The following TNRC18 variants were observed in gnomAD, a reference collection of about 807,000 sequenced individuals.
TNRC18 encodes trinucleotide repeat containing 18.
Under a neutral mutation model 226.7 loss-of-function variants are expected in TNRC18, and 69 were observed. That is an observed-to-expected ratio of 0.30 (90% CI 0.25 to 0.37). The LOEUF (loss-of-function observed/expected upper bound fraction) is 0.37. TNRC18 is among the 10% of genes least tolerant of loss of function. The pLI is 1.00. For synonymous variants in TNRC18, 2,449 were observed against 1,927.6 expected, an observed-to-expected ratio of 1.27 and a Z score of -7.09; for missense variants, 4,754 against 4,256.6, an observed-to-expected ratio of 1.12 and a Z score of -3.25.
intron 17 of TNRC18, among the ~76,000 whole-genome samples, chr7:5,348,513 G>A (rs545304714): frequency 2.7e-4 from 41 of 152,326 alleles, no homozygotes; most frequent in African/African-American, 8.9e-4. Flanking sequence ...GTGGCCAAAA[G>A]TGGTGGCCCC....
chr7:5,381,780 A>C (rs569425217), intron 5 of TNRC18, among the ~76,000 whole-genome samples: 169 of 152,270 alleles, frequency 1.1e-3, no homozygotes, highest in African/African-American at 4.0e-3. Flanking sequence ...AGCCTGGCTA[A>C]CATGGTGAAA....
chr7:5,370,198 C>A (rs1794013792), intron 11 of TNRC18, among the ~76,000 whole-genome samples, 177 bp downstream of exon 11: 1 of 152,054 alleles, frequency 6.6e-6, no homozygotes, highest in Non-Finnish European at 1.5e-5. Context: ...TGGTGGACGC[C>A]TGTAGCCCAA....
rs771185183 is a variant in TNRC18 at position 5,388,391 on chromosome 7, G to A, written c.1433C>T (p.Ala478Val). The change falls in exon 5 of 30, where the codon GCG becomes GTG. Residue 478 changes from alanine (A) to valine (V), a missense_variant. Ala to Val is a moderately conservative substitution (Grantham distance 64, BLOSUM62 0). Coordinates refer to ENST00000430969, the MANE Select transcript of TNRC18 (RefSeq NM_001080495.3). ...TGCAGGACCGGCTGGGCCGCGGGGCGCACGCTCGCAGGGCCTCGGGTCCGC... is the reference window on the plus strand; with the variant it reads ...TGCAGGACCGGCTGGGCCGCGGGGCACACGCTCGCAGGGCCTCGGGTCCGC... ...PEADPRPCER[A>V]PRGPAGPAAQ... 4.0e-5 allele frequency: 61 copies of A among 1,517,062 alleles called. No individual in the cohort carries two copies. The highest frequency in any genetic ancestry group is 5.1e-5 in the Non-Finnish European group (58 of 1,139,728). The allele number at this position is 1,517,062 out of a possible 1,614,324, so 94.0% of individuals were successfully genotyped here. A position where few individuals can be genotyped will look rare whatever the true frequency, so the allele number is the denominator to read the frequency against.
Position 5,362,616 on chromosome 7 carries a change from G to A in TNRC18, c.4395+34C>T, listed in dbSNP as rs373149755. On this transcript the variant is annotated intron_variant, in intron 12 of 29. Transcript: ENST00000430969. ...AGGGGCCTCCCACCCAGCCTCCCCC[G>A]CGGACCCCAGGGAGGAAGCAGCCAG... 5.3e-5 allele frequency: 80 copies of A among 1,504,124 alleles called. 1 individual carries two copies. In the South Asian group the frequency reaches 7.9e-4, roughly 15 times the overall value. 93.2% of individuals were successfully genotyped at this position (1,504,124 alleles called of 1,614,324 possible). A position where few individuals can be genotyped will look rare whatever the true frequency, so the allele number is the denominator to read the frequency against.
At chr7:5,410,981 G>A (rs1781802757) in intron 2 of TNRC18, among the ~76,000 whole-genome samples, 1 of 151,416 alleles carries the variant, frequency 6.6e-6, no homozygotes, top group Non-Finnish European at 1.5e-5. Context: ...CGAGGCAGGT[G>A]GATCACTTGA....
chr7:5,321,712 C>T (rs1788380601), intron 21 of TNRC18, among the ~76,000 whole-genome samples: 1 of 151,556 alleles, frequency 6.6e-6, no homozygotes, highest in African/African-American at 2.4e-5. Flanking sequence ...AATCTTGTTG[C>T]CCAGGCTGGA....
At chr7:5,415,696 G>C (rs1381338522) in intron 2 of TNRC18, among the ~76,000 whole-genome samples, 5 of 151,470 alleles carry the variant, frequency 3.3e-5, no homozygotes, top group Admixed American at 3.3e-4. Flanking sequence ...AAGACTCCAC[G>C]GTGTAGTTTT....
At position 5,374,338 on chromosome 7, in the gene TNRC18, G is replaced by A. The variant is rs1451806696; in HGVS notation, c.2946C>T (p.Pro982=). 4.6e-5 allele frequency: 66 copies of A among 1,421,714 alleles called. No individual in the cohort carries two copies. The highest frequency in any genetic ancestry group is 2.8e-4 in the Admixed American group (8 of 28,170). 88.1% of individuals were successfully genotyped at this position (1,421,714 alleles called of 1,614,324 possible). Residue 982 remains proline, a synonymous_variant, in exon 10 of 30, where the codon CCC becomes CCT. Coordinates refer to ENST00000430969, the MANE Select transcript of TNRC18 (RefSeq NM_001080495.3). ...PRKPPGLAAG[P]AGTYGKAVSP... is the part of the protein sequence containing the mutation. ...TCACGGCCTTGCCGTAGGTGCCCGC[G>A]GGGCCGGCGGCCAGGCCAGGGGGCT... is the stretch of plus-strand genomic sequence containing the variant.
At chr7:5,329,315 A>AG (rs1272896656) in intron 19 of TNRC18, among the ~76,000 whole-genome samples, 3 of 151,800 alleles carry the variant, frequency 2.0e-5, no homozygotes, top group Non-Finnish European at 2.9e-5. Context: ...AAAAAAAAAA[A>AG]AGATAGAAAA....
intron 11 of TNRC18, among the ~76,000 whole-genome samples, chr7:5,368,245 T>A (rs568908858): frequency 6.7e-6 from 1 of 149,090 alleles, no homozygotes; most frequent in Non-Finnish European, 1.5e-5. Context: ...GGTGGGAAAA[T>A]CACTTGAGTT....
Position 5,390,413 on chromosome 7 carries a change from G to A in TNRC18, c.487+72C>T, listed in dbSNP as rs1345352830. 5 of 1,527,104 alleles carry A rather than the reference G, an allele frequency of 3.3e-6. No homozygotes were observed. The South Asian group carries it at 4.5e-5, about 14-fold the overall frequency. 94.6% of individuals were successfully genotyped at this position (1,527,104 alleles called of 1,614,324 possible). A position where few individuals can be genotyped will look rare whatever the true frequency, so the allele number is the denominator to read the frequency against. ...CCTGGACAGAGCTGGGGGCTACCTG[G>A]ATGCTGCCAAAGGCCCCAGAAGCCT... On this transcript the variant is annotated intron_variant, in intron 4 of 29. Coordinates refer to ENST00000430969, the MANE Select transcript of TNRC18 (RefSeq NM_001080495.3).
chr7:5,420,780 C>G, intron 2 of TNRC18: 1 of 657,912 alleles, frequency 1.5e-6, no homozygotes, highest in Non-Finnish European at 2.8e-6. Context: ...GCCGGGGCCC[C>G]GGGGATTGGA....
intron 11 of TNRC18, among the ~76,000 whole-genome samples, chr7:5,369,483 G>A (rs1793947267): frequency 6.6e-6 from 1 of 152,332 alleles, no homozygotes; most frequent in Non-Finnish European, 1.5e-5. Flanking sequence ...AGGGACCTGG[G>A]AGGAACTGAC....
At chr7:5,386,003 A>C (rs1779758910) in intron 5 of TNRC18, among the ~76,000 whole-genome samples, 1 of 149,534 alleles carries the variant, frequency 6.7e-6, no homozygotes, top group Non-Finnish European at 1.5e-5. Flanking sequence ...AAAAAAAAAA[A>C]AAAACAGATG....
intron 18 of TNRC18, among the ~76,000 whole-genome samples, chr7:5,338,740 G>A (rs1383711719): frequency 4.0e-5 from 6 of 151,484 alleles, no homozygotes; most frequent in Non-Finnish European, 8.8e-5. Context: ...GACCAACATG[G>A]AGAAACCCCG....
rs1032775020 is a variant in TNRC18, at chr7:5,308,036, G to A, written c.*70C>T. 85 of 1,422,962 alleles carry A rather than the reference G, an allele frequency of 6.0e-5. No individual in the cohort carries two copies. Among genetic ancestry groups the A allele is most frequent in the Middle Eastern group, 4.9e-4 (2 of 4,110 alleles). 88.1% of individuals were successfully genotyped at this position (1,422,962 alleles called of 1,614,324 possible). A position where few individuals can be genotyped will look rare whatever the true frequency, so the allele number is the denominator to read the frequency against. ...TGCACACAACGCACGTGGTCTCCGC[G>A]CCATGGCAGTGATGGAGATGGGTCC... is the stretch of plus-strand genomic sequence containing the variant. On this transcript the variant is annotated 3_prime_UTR_variant, in exon 30 of 30. Transcript: ENST00000430969.
intron 2 of TNRC18, chr7:5,419,926 C>T: frequency 6.3e-6 from 1 of 159,640 alleles, no homozygotes. Flanking sequence ...AGGGGAGCAT[C>T]GAGGGCTACT....
At position 5,307,406 on chromosome 7, in the gene TNRC18, C is replaced by T. The variant is rs1583700139; in HGVS notation, c.*700G>A. On this transcript the variant is annotated 3_prime_UTR_variant, in exon 30 of 30. Coordinates refer to ENST00000430969, the MANE Select transcript of TNRC18 (RefSeq NM_001080495.3). ...ACCTCCCTCCTGGGTGGGGAGGGGCCAGGCGTGGCCGGGCGACAGTTTCAG... is the reference window on the plus strand; with the variant it reads ...ACCTCCCTCCTGGGTGGGGAGGGGCTAGGCGTGGCCGGGCGACAGTTTCAG... 3.2e-6 allele frequency: 1 copy of T among 313,484 alleles called. No individual in the cohort carries two copies. The highest frequency in any genetic ancestry group is 1.2e-4 in the East Asian group (1 of 8,266). The allele number at this position is 313,484 out of a possible 1,614,324, so 19.4% of individuals were successfully genotyped here. A position where few individuals can be genotyped will look rare whatever the true frequency, so the allele number is the denominator to read the frequency against.
chr7:5,387,951 G>A lies in TNRC18; in HGVS notation c.1873C>T (p.Pro625Ser), dbSNP rs200830047. 156 of 1,597,894 alleles carry A rather than the reference G, an allele frequency of 9.8e-5. No individual in the cohort carries two copies. The highest frequency in any genetic ancestry group is 1.3e-4 in the Non-Finnish European group (147 of 1,173,386). Residue 625 changes from proline to serine, a missense_variant, in exon 5 of 30, where the codon CCC becomes TCC. By Grantham distance (74) the Pro-to-Ser change is moderately conservative. Coordinates refer to ENST00000430969, the MANE Select transcript of TNRC18 (RefSeq NM_001080495.3). Reference protein sequence around the residue: ...GLGTMKPEPAPTSAGASRAQA... With the variant: ...GLGTMKPEPASTSAGASRAQA... ...GCTCGGGAGGCACCCGCAGAGGTGGGCGCAGGCTCGGGTTTCATGGTGCCC... is the reference window on the plus strand; with the variant it reads ...GCTCGGGAGGCACCCGCAGAGGTGGACGCAGGCTCGGGTTTCATGGTGCCC...
Sources: allele counts gnomAD v4.1 joint callset (sites outside exome capture counted in the v4.1 genomes callset), GRCh38; gene constraint gnomAD v4.1.1; transcripts MANE v1.5; gene names NCBI Gene and HGNC (gene_info 2026-07-23, HGNC 2026-07-21).